The following CNTNAP5 variants were observed in gnomAD, a reference collection of about 807,000 sequenced individuals.
CNTNAP5 encodes the protein contactin-associated protein-like 5.
CNTNAP5 carries 72 observed loss-of-function variants against 150.2 expected under a neutral mutation model. That is an observed-to-expected ratio of 0.48 (90% CI 0.40 to 0.58). The LOEUF (loss-of-function observed/expected upper bound fraction) is 0.58, where lower values mean the gene tolerates loss of function less well. CNTNAP5 is among the 20% of genes least tolerant of loss of function. CNTNAP5 has a pLI of 0.00. For missense variants in CNTNAP5, 1,636 were observed against 1,626.2 expected (o/e 1.01, Z -0.10); for synonymous variants, 672 against 619.8 (o/e 1.08, Z -1.25).
rs769673214 is a variant in CNTNAP5, at chr2:124,504,375, C to T, written c.1146C>T (p.Pro382=). 5.6e-6 allele frequency: 9 copies of T among 1,613,876 alleles called. No individual in the cohort carries two copies. The highest frequency in any genetic ancestry group is 5.0e-5 in the Admixed American group (3 of 60,008). ...VNSSGSYLLL[P]GTPQIDGLSV... is the part of the protein sequence containing the mutation. ...CCAGCGGCAGCTATTTGCTGCTGCC[C>T]GGCACCCCCCAAATTGATGGGCTCT... is the stretch of plus-strand genomic sequence containing the variant. The change falls in exon 8 of 24, where the codon CCC becomes CCT. Residue 382 remains proline, a synonymous_variant. Transcript: ENST00000682447.
At chr2:124,698,771 G>A (rs1189725655) in intron 13 of CNTNAP5, among the ~76,000 whole-genome samples, 1 of 152,076 alleles carries the variant, frequency 6.6e-6, no homozygotes, top group East Asian at 1.9e-4. Context: ...TGTGTGGTTG[G>A]CCATCCTAGC....
At position 124,747,277 on chromosome 2, in the gene CNTNAP5, C is replaced by T. The variant is rs748754111; in HGVS notation, c.2126C>T (p.Pro709Leu). Residue 709 changes from proline (P) to leucine (L), a missense_variant, in exon 14 of 24, where the codon CCT becomes CTT. Coordinates refer to ENST00000682447, the MANE Select transcript of CNTNAP5 (RefSeq NM_001367498.1). ...WWIGRSNERHPYWGGSPPGVQ... is the reference protein window; with the variant it reads ...WWIGRSNERHLYWGGSPPGVQ... The stretch of plus-strand genomic sequence containing the variant: ...ATTGGGCGGTCCAATGAAAGGCACC[C>T]TTACTGGGGAGGTTCCCCTCCTGGG... The T allele has an allele frequency of 3.1e-6, 5 of 1,613,708 alleles. No homozygotes were observed. Among genetic ancestry groups the T allele is most frequent in the Non-Finnish European group, 3.4e-6 (4 of 1,179,756 alleles).
chr2:124,505,161 G>C (rs1242542748), intron 8 of CNTNAP5, among the ~76,000 whole-genome samples: 1 of 152,136 alleles, frequency 6.6e-6, no homozygotes, highest in East Asian at 1.9e-4. Context: ...GCATAATCTA[G>C]ACCATTTATA....
intron 4 of CNTNAP5, among the ~76,000 whole-genome samples, chr2:124,424,052 A>G (rs1692184748): frequency 6.6e-6 from 1 of 152,142 alleles, no homozygotes; most frequent in South Asian, 2.1e-4. Context: ...TACAAACATC[A>G]TTTTGTACTT....
chr2:124,613,769 C>G (rs149970739), intron 12 of CNTNAP5, among the ~76,000 whole-genome samples: 2,672 of 152,260 alleles, frequency 0.018, 35 homozygotes, highest in Middle Eastern at 0.031. Flanking sequence ...GGGAGTTCCC[C>G]AAATGCTCAA....
intron 12 of CNTNAP5, among the ~76,000 whole-genome samples, chr2:124,626,343 TG>T (rs1404584859): frequency 2.0e-5 from 3 of 151,962 alleles, no homozygotes; most frequent in Non-Finnish European, 4.4e-5. Flanking sequence ...ATGCAGAACG[TG>T]GGTGATTACT....
intron 19 of CNTNAP5, among the ~76,000 whole-genome samples, chr2:124,814,064 C>T (rs1682295889): frequency 6.6e-6 from 1 of 151,918 alleles, no homozygotes; most frequent in African/African-American, 2.4e-5. Context: ...TGCAGGTTCA[C>T]CTCTAAACTC....
intron 7 of CNTNAP5, among the ~76,000 whole-genome samples, chr2:124,488,051 C>G (rs1260674791): frequency 2.6e-5 from 4 of 152,072 alleles, no homozygotes; most frequent in Non-Finnish European, 5.9e-5. Flanking sequence ...TAATAAATAT[C>G]TTGTAAATCA....
chr2:124,292,455 C>A (rs1410784303), intron 3 of CNTNAP5, among the ~76,000 whole-genome samples: 1 of 152,018 alleles, frequency 6.6e-6, no homozygotes, highest in Admixed American at 6.6e-5. Context: ...ATTTTAAAAA[C>A]CCATAATTAC....
At chr2:124,170,963 C>A (rs1684916984) in intron 1 of CNTNAP5, among the ~76,000 whole-genome samples, 1 of 152,170 alleles carries the variant, frequency 6.6e-6, no homozygotes, top group Non-Finnish European at 1.5e-5. Context: ...TGGCTGTGTT[C>A]TGATCCATTA....
intron 13 of CNTNAP5, among the ~76,000 whole-genome samples, chr2:124,679,510 T>G (rs577478154): frequency 3.3e-5 from 5 of 151,814 alleles, no homozygotes; most frequent in Non-Finnish European, 5.9e-5. Context: ...TCCAAATCAC[T>G]AATTATGATA....
chr2:124,487,122 C>A (rs1329606835), intron 7 of CNTNAP5, among the ~76,000 whole-genome samples: 1 of 152,136 alleles, frequency 6.6e-6, no homozygotes, highest in Non-Finnish European at 1.5e-5. Flanking sequence ...CCCATGGTGG[C>A]TAGTGATTAC....
intron 1 of CNTNAP5, among the ~76,000 whole-genome samples, chr2:124,171,040 T>C (rs1482832487): frequency 2.0e-5 from 3 of 152,196 alleles, no homozygotes; most frequent in Non-Finnish European, 4.4e-5. Flanking sequence ...TGATTTTATT[T>C]TTTATTCATT....
chr2:124,824,497 C>G (rs1021435745), intron 19 of CNTNAP5, among the ~76,000 whole-genome samples: 1 of 152,114 alleles, frequency 6.6e-6, no homozygotes, highest in Non-Finnish European at 1.5e-5. Flanking sequence ...TAGCCAGAAT[C>G]TCACTCTGAA....
At chr2:124,437,321 A>G (rs894526490) in intron 5 of CNTNAP5, among the ~76,000 whole-genome samples, 2 of 152,128 alleles carry the variant, frequency 1.3e-5, no homozygotes, top group African/African-American at 4.8e-5. Context: ...ATATTTACAG[A>G]ATATTCACAG....
chr2:124,829,893 T>C (rs73955850), intron 19 of CNTNAP5, among the ~76,000 whole-genome samples: 2,499 of 151,968 alleles, frequency 0.016, 55 homozygotes, highest in African/African-American at 0.053. Flanking sequence ...TGACTGACAG[T>C]GCCACATCAG....
chr2:124,135,135 G>A (rs1229138654), intron 1 of CNTNAP5: 1 of 152,148 alleles, frequency 6.6e-6, no homozygotes, highest in East Asian at 1.9e-4. Context: ...AAGTAAGAAA[G>A]CCTGAAAGAC....
chr2:124,762,247 T>G (rs776304626), intron 14 of CNTNAP5, among the ~76,000 whole-genome samples: 3 of 152,284 alleles, frequency 2.0e-5, no homozygotes, highest in Non-Finnish European at 4.4e-5. Context: ...TATGGTATAT[T>G]TCTTTACATT....
intron 1 of CNTNAP5, among the ~76,000 whole-genome samples, chr2:124,189,352 C>T (rs1003274090): frequency 3.9e-5 from 6 of 152,124 alleles, no homozygotes; most frequent in African/African-American, 7.2e-5. Flanking sequence ...GAATGACTCC[C>T]GGGGTCAATG....
Sources: gnomAD v4.1 joint callset for allele counts (sites outside exome capture counted in the v4.1 genomes callset) on GRCh38, gnomAD v4.1.1 for gene constraint, MANE v1.5 for transcripts, NCBI Gene and HGNC (gene_info 2026-07-23, HGNC 2026-07-21) for gene names.